The following INTS6 variants were observed in gnomAD, a reference collection of about 807,000 sequenced individuals.
INTS6 encodes DEAD box protein.
INTS6 carries 16 observed loss-of-function variants against 104.9 expected under a neutral mutation model. The observed-to-expected ratio is 0.15, with a 90% confidence interval of 0.10 to 0.23. The LOEUF (loss-of-function observed/expected upper bound fraction) is 0.23, where lower values mean the gene tolerates loss of function less well. INTS6 is among the 10% of genes least tolerant of loss of function. The probability of loss-of-function intolerance (pLI) is 1.00; values close to 1 mark genes in which losing one functional copy is unlikely to be tolerated. For missense variants in INTS6, 584 were observed against 1,062.8 expected (o/e 0.55, Z 6.26); for synonymous variants, 324 against 358.7 (o/e 0.90, Z 1.09).
chr13:51,352,445 C>T (rs992758948), downstream of INTS6, among the ~76,000 whole-genome samples: 1 of 151,784 alleles, frequency 6.6e-6, no homozygotes, highest in East Asian at 1.9e-4. Context: ...CTGTACCTTA[C>T]TGAACTCATT....
chr13:51,451,188 TG>T lies in INTS6; in HGVS notation c.190-15del. 1 of 1,538,652 alleles carries T rather than the reference TG, an allele frequency of 6.5e-7. No individual in the cohort carries two copies. Among genetic ancestry groups the T allele is most frequent in the African/African-American group, 1.4e-5 (1 of 71,716 alleles). On this transcript the variant is annotated splice_polypyrimidine_tract_variant and intron_variant, in intron 2 of 17. Coordinates refer to ENST00000311234, the MANE Select transcript of INTS6 (RefSeq NM_012141.3). Reference sequence around the variant, plus strand: ...TTTCCATCCAGCCTGAAAAGAAAAATGTAAGATTTTTTTTTTTCATTTTTTA... The same window carrying T: ...TTTCCATCCAGCCTGAAAAGAAAAATTAAGATTTTTTTTTTTCATTTTTTA...
In INTS6 at chr13:51,368,921, G is replaced by T; in HGVS notation, c.2476+18C>A. 6.5e-7 allele frequency: 1 copy of T among 1,530,946 alleles called. No homozygotes were observed. Among genetic ancestry groups the T allele is most frequent in the Non-Finnish European group, 8.8e-7 (1 of 1,140,578 alleles). 94.8% of individuals were successfully genotyped at this position (1,530,946 alleles called of 1,614,324 possible). Reference sequence around the variant, plus strand: ...CATACAGAAATCAGATCTGAGGTTCGTCTCTTATTATACATACTTCTTCCT... The same window carrying T: ...CATACAGAAATCAGATCTGAGGTTCTTCTCTTATTATACATACTTCTTCCT... On this transcript the variant is annotated intron_variant, in intron 16 of 17. Coordinates refer to ENST00000311234, the MANE Select transcript of INTS6 (RefSeq NM_012141.3).
intron 4 of INTS6, chr13:51,421,175 A>T (rs1956890121): frequency 1.0e-6 from 1 of 985,676 alleles, no homozygotes; most frequent in South Asian, 4.7e-5. Context: ...AAGGCTAGCC[A>T]TTAGACAAGG....
chr13:51,366,094 A>G (rs934199255), intron 17 of INTS6, among the ~76,000 whole-genome samples: 2 of 151,884 alleles, frequency 1.3e-5, no homozygotes, highest in African/African-American at 4.8e-5. Context: ...TCCTTCCACA[A>G]CCGAAAAGAA....
chr13:51,393,322 C>T (rs896988442), intron 5 of INTS6, among the ~76,000 whole-genome samples: 2 of 152,180 alleles, frequency 1.3e-5, no homozygotes, highest in African/African-American at 4.8e-5. Flanking sequence ...AGGTAATCCG[C>T]CCACCTTGGC....
At chr13:51,429,110 G>C (rs1001869508) in intron 4 of INTS6, among the ~76,000 whole-genome samples, 5 of 152,108 alleles carry the variant, frequency 3.3e-5, no homozygotes, top group African/African-American at 1.2e-4. Context: ...CTGGTACAAA[G>C]TTTACTGCTA....
chr13:51,452,779 C>T lies in INTS6; in HGVS notation c.-254G>A. 8.3e-7 allele frequency: 1 copy of T among 1,207,478 alleles called. No individual in the cohort carries two copies. The highest frequency in any genetic ancestry group is 1.8e-5 in the South Asian group (1 of 55,258). 74.8% of individuals were successfully genotyped at this position (1,207,478 alleles called of 1,614,324 possible). On this transcript the variant is annotated 5_prime_UTR_variant, in exon 1 of 18. Coordinates refer to ENST00000311234, the MANE Select transcript of INTS6 (RefSeq NM_012141.3). The surrounding 1 kb of genome is among the most constrained non-coding windows in gnomAD (Gnocchi z 4.2). ...CTGCCTGCCTGCCCGCTGGGGCGGG[C>T]GCCCAGCCGTCTGTCTGTCGGTTCG...
At chr13:51,337,650 A>C in the INTS6 span, among the ~76,000 whole-genome samples, 5 of 152,200 alleles carry the variant, frequency 3.3e-5, no homozygotes, top group African/African-American at 7.2e-5. Flanking sequence ...GCAAGATCTT[A>C]AGCTCTTCAG....
chr13:51,341,549 G>A, the INTS6 span, among the ~76,000 whole-genome samples: 1 of 152,210 alleles, frequency 6.6e-6, no homozygotes, highest in African/African-American at 2.4e-5. Context: ...GTGCACATGG[G>A]GAAGAGTGAT....
intron 4 of INTS6, among the ~76,000 whole-genome samples, chr13:51,409,263 A>T (rs936718929): frequency 7.4e-6 from 1 of 135,958 alleles, no homozygotes; most frequent in Non-Finnish European, 1.6e-5. Context: ...AATCCGTCTC[A>T]AATAATAATA....
At chr13:51,367,994 T>C (rs1955726854) in intron 16 of INTS6, 96 bp from the exon 17 acceptor site, 1 of 602,530 alleles carries the variant, frequency 1.7e-6, no homozygotes, top group East Asian at 3.3e-5. Context: ...TAAGATATAC[T>C]GAGATAAAAA....
chr13:51,436,856 C>T (rs1447482200), intron 3 of INTS6: 1 of 152,000 alleles, frequency 6.6e-6, no homozygotes, highest in African/African-American at 2.4e-5. Flanking sequence ...AAAAGTAGTG[C>T]CAGGCAAATA....
At position 51,374,726 on chromosome 13, in the gene INTS6, T is replaced by A; in HGVS notation, c.1800A>T (p.Pro600=). 1.2e-6 allele frequency: 2 copies of A among 1,613,510 alleles called. No individual in the cohort carries two copies. The highest frequency in any genetic ancestry group is 1.1e-5 in the South Asian group (1 of 91,052). ...GCTGATCAGGATCAAGTTCTCTTAG[T>A]GGAGAAGGTACTTGCTTGAGGTATT... ...YQEYLKQVPS[P]LRELDPDQPR... Residue 600 remains proline (P), a synonymous_variant, in exon 14 of 18, where the codon CCA becomes CCT. Transcript: ENST00000311234.
downstream of INTS6, among the ~76,000 whole-genome samples, chr13:51,356,908 C>A (rs1394866829): frequency 6.6e-6 from 1 of 151,996 alleles, no homozygotes; most frequent in Non-Finnish European, 1.5e-5. Flanking sequence ...ATGAAGCTTG[C>A]ATTCACATTT....
chr13:51,445,721 A>G (rs1952901815), intron 3 of INTS6: 1 of 152,236 alleles, frequency 6.6e-6, no homozygotes. Flanking sequence ...TTTACACAAT[A>G]AAGATGGGGA....
chr13:51,399,716 G>GTT (rs1421411832), intron 4 of INTS6, among the ~76,000 whole-genome samples: 1 of 118,164 alleles, frequency 8.5e-6, no homozygotes, highest in African/African-American at 2.6e-5. Context: ...GGGTGTGTGT[G>GTT]TGTGTGCGTG....
chr13:51,410,961 C>T (rs1365287878), intron 4 of INTS6, among the ~76,000 whole-genome samples: 2 of 152,040 alleles, frequency 1.3e-5, no homozygotes, highest in African/African-American at 2.4e-5. Context: ...CCTGTTATCC[C>T]AGCACTTTGG....
rs899121072 is a variant in INTS6 at position 51,361,725 on chromosome 13, A to G, written c.*4027T>C. 3.2e-5 allele frequency: 40 copies of G among 1,243,232 alleles called. No individual in the cohort carries two copies. Among genetic ancestry groups the G allele is most frequent in the Non-Finnish European group, 4.0e-5 (36 of 910,446 alleles). 77.0% of individuals were successfully genotyped at this position (1,243,232 alleles called of 1,614,324 possible). On this transcript the variant is annotated 3_prime_UTR_variant, in exon 18 of 18. Transcript: ENST00000311234. ...TGCCATTAGGATGCTTTGATTTCTT[A>G]AAAAATTAACTTACTTCATAACCAA...
At chr13:51,443,537 T>A (rs757408898) in intron 3 of INTS6, 1 of 152,118 alleles carries the variant, frequency 6.6e-6, no homozygotes, top group Admixed American at 6.5e-5. Flanking sequence ...ATAGTAAGAC[T>A]AAACAAAAAT....
Sources: allele counts gnomAD v4.1 joint callset (sites outside exome capture counted in the v4.1 genomes callset), GRCh38; gene constraint gnomAD v4.1.1; non-coding constraint Gnocchi (gnomAD v3.1); transcripts MANE v1.5; gene names NCBI Gene and HGNC (gene_info 2026-07-23, HGNC 2026-07-21).